MYO16: variants seen among roughly 807,000 people sequenced by gnomAD.
The protein encoded by MYO16 is myosin XVI.
A neutral mutation model predicts 205.3 loss-of-function variants in MYO16; 94 were observed. The ratio of observed to expected loss-of-function variants is 0.46; its 90% CI spans 0.39 to 0.54. The LOEUF (loss-of-function observed/expected upper bound fraction) is 0.54, where lower values mean the gene tolerates loss of function less well. Ranked by LOEUF, MYO16 falls within the 20% of genes least tolerant of loss-of-function variation. The probability of loss-of-function intolerance (pLI) is 0.00; values close to 1 mark genes in which losing one functional copy is unlikely to be tolerated. For synonymous variants in MYO16, 988 were observed against 954.0 expected, an observed-to-expected ratio of 1.04 and a Z score of -0.66; for missense variants, 2,315 against 2,387.5, an observed-to-expected ratio of 0.97 and a Z score of 0.63.
At chr13:108,852,291 C>A (rs570276831) in intron 10 of MYO16, among the ~76,000 whole-genome samples, 1 of 152,158 alleles carries the variant, frequency 6.6e-6, no homozygotes, top group Non-Finnish European at 1.5e-5. Flanking sequence ...AAACCTCTAG[C>A]ACAATGGCCA....
intron 23 of MYO16, among the ~76,000 whole-genome samples, chr13:109,024,193 T>G (rs1042053944): frequency 4.6e-5 from 7 of 151,510 alleles, no homozygotes; most frequent in Non-Finnish European, 4.4e-5. Flanking sequence ...ACAGCAATCT[T>G]AGACTTGTAT....
chr13:109,100,660 T>A (rs1169815557), intron 27 of MYO16, 125 bp from the exon 28 acceptor site: 3 of 663,214 alleles, frequency 4.5e-6, no homozygotes, highest in Non-Finnish European at 8.0e-6. Flanking sequence ...GGTATTTGGC[T>A]GTTCCTGGGA....
rs950093684 is a variant in MYO16, at chr13:108,607,299, T to C, written c.-39+11060T>C. Among the ~76,000 whole-genome samples the C allele has an allele frequency of 5.9e-5, 9 of 152,282 alleles. 3 individuals are homozygous for C. The highest frequency in any genetic ancestry group is 5.9e-4 in the Admixed American group (9 of 15,294). ...GAGCCAGGAGTGGAATCATATGGTC[T>C]GGCTATGTGTCCCCACCCAAATCTC... On this transcript the variant is annotated intron_variant, in intron 1 of 24. Transcript: ENST00000251041.
chr13:109,174,748 CTTTTT>C (rs34606084), intron 33 of MYO16, among the ~76,000 whole-genome samples: 2 of 85,630 alleles, frequency 2.3e-5, no homozygotes, highest in Non-Finnish European at 2.5e-5. Flanking sequence ...CTTGTCTTGT[CTTTTT>C]TTTTTTTTTT....
chr13:108,852,204 AT>A (rs1877911159), intron 10 of MYO16, among the ~76,000 whole-genome samples: 1 of 152,024 alleles, frequency 6.6e-6, no homozygotes, highest in Non-Finnish European at 1.5e-5. Flanking sequence ...GTCATTTCTT[AT>A]TTCTGTCCTA....
At chr13:108,870,383 A>C (rs967625885) in intron 12 of MYO16, among the ~76,000 whole-genome samples, 1 of 151,986 alleles carries the variant, frequency 6.6e-6, no homozygotes, top group Non-Finnish European at 1.5e-5. Context: ...TTCTATGTCA[A>C]AATTATGCTA....
At position 109,115,819 on chromosome 13, in the gene MYO16, C is replaced by A. The variant is rs562078999; in HGVS notation, c.3439-4551C>A. On this transcript the variant is annotated intron_variant, in intron 28 of 34. Coordinates refer to ENST00000457511, the MANE Select transcript of MYO16 (RefSeq NM_001198950.3). ...AGAAGGATTCTTAAATTTGTATCTT[C>A]ATTAATCCCTAGCATCAGTGAAAGT... Among the ~76,000 whole-genome samples the A allele has an allele frequency of 9.9e-5, 15 of 152,226 alleles. No individual in the cohort carries two copies. The South Asian group carries it at 2.7e-3, about 27-fold the overall frequency.
intron 7 of MYO16, among the ~76,000 whole-genome samples, chr13:108,810,278 C>T (rs9521060): frequency 0.8 from 121,002 of 152,160 alleles, 51,271 homozygotes; most frequent in Non-Finnish European, 0.94. Context: ...CTGGAATGCA[C>T]GCTTCAGAAT....
Position 108,644,413 on chromosome 13 carries a change from TATC to T in MYO16, c.28+14545_28+14547del, listed in dbSNP as rs762261201. On this transcript the variant is annotated intron_variant, in intron 1 of 34. Transcript: ENST00000457511. The stretch of plus-strand genomic sequence containing the variant: ...CTATCTATCTATCTATCTATCTATC[TATC>T]ATCTGTTTAAATTACTGCAACCCAT... 1.7e-3 allele frequency among the ~76,000 whole-genome samples: 234 copies of T among 134,018 alleles called. 1 individual carries two copies. Among genetic ancestry groups the T allele is most frequent in the South Asian group, 0.013 (53 of 4,026 alleles). 87.9% of individuals were successfully genotyped at this position (134,018 alleles called of 152,430 possible). A position where few individuals can be genotyped will look rare whatever the true frequency, so the allele number is the denominator to read the frequency against.
chr13:108,629,059 G>T (rs539987011), upstream of MYO16, among the ~76,000 whole-genome samples: 1 of 152,254 alleles, frequency 6.6e-6, no homozygotes, highest in East Asian at 1.9e-4. Flanking sequence ...TCATCCAGTT[G>T]GGTTGTACAG....
chr13:108,518,244 C>T, the MYO16 span, among the ~76,000 whole-genome samples: 1 of 152,182 alleles, frequency 6.6e-6, no homozygotes, highest in African/African-American at 2.4e-5. Flanking sequence ...CAGTTGACCT[C>T]TGACCAATGG....
intron 16 of MYO16, among the ~76,000 whole-genome samples, chr13:108,922,538 T>C (rs563147224): frequency 6.6e-6 from 1 of 152,352 alleles, no homozygotes; most frequent in African/African-American, 2.4e-5. Flanking sequence ...AGAGACTTTC[T>C]TCACGTCTAA....
chr13:108,851,314 G>A (rs1877849940), intron 10 of MYO16, among the ~76,000 whole-genome samples: 1 of 152,056 alleles, frequency 6.6e-6, no homozygotes, highest in Admixed American at 6.6e-5. Flanking sequence ...TAGTTTTGGG[G>A]GTTGTCTATA....
chr13:108,848,740 A>G (rs553021163), intron 10 of MYO16, among the ~76,000 whole-genome samples: 2 of 152,334 alleles, frequency 1.3e-5, no homozygotes, highest in East Asian at 1.9e-4. Context: ...GCTTGAGTTC[A>G]GAAGTTGGAG....
chr13:108,543,901 A>T, the MYO16 span, among the ~76,000 whole-genome samples: 1 of 150,778 alleles, frequency 6.6e-6, no homozygotes, highest in Admixed American at 6.6e-5. Flanking sequence ...CCCCCTCTCT[A>T]CTAAAAATAC....
chr13:109,182,484 C>A (rs993249489), intron 34 of MYO16, among the ~76,000 whole-genome samples: 1 of 152,194 alleles, frequency 6.6e-6, no homozygotes, highest in Non-Finnish European at 1.5e-5. Flanking sequence ...GCCCCTGAAT[C>A]CACCTCACCC....
At chr13:108,935,161 A>G (rs1211812725) in intron 16 of MYO16, among the ~76,000 whole-genome samples, 1 of 152,106 alleles carries the variant, frequency 6.6e-6, no homozygotes, top group Non-Finnish European at 1.5e-5. Flanking sequence ...GTAAAAAGTG[A>G]CATTGGTCGT....
At chr13:108,573,902 G>T in the MYO16 span, among the ~76,000 whole-genome samples, 35 of 152,260 alleles carry the variant, frequency 2.3e-4, no homozygotes, top group African/African-American at 7.9e-4. Flanking sequence ...CCAGGCTGGA[G>T]TCCAGTGGCA....
chr13:108,756,775 T>C (rs1290253368), intron 4 of MYO16, among the ~76,000 whole-genome samples: 1 of 152,180 alleles, frequency 6.6e-6, no homozygotes, highest in East Asian at 1.9e-4. Context: ...CTCCCCAGAA[T>C]TACTCTCATA....
Sources: gnomAD v4.1 joint callset for allele counts (sites outside exome capture counted in the v4.1 genomes callset) on GRCh38, gnomAD v4.1.1 for gene constraint, MANE v1.5 for transcripts, NCBI Gene and HGNC (gene_info 2026-07-23, HGNC 2026-07-21) for gene names.